The following LYPD6 variants were observed in gnomAD, a reference collection of about 807,000 sequenced individuals.
The protein encoded by LYPD6 is ly6/PLAUR domain-containing protein 6.
A neutral mutation model predicts 22.7 loss-of-function variants in LYPD6; 15 were observed. The observed-to-expected ratio is 0.66, with a 90% CI of 0.44 to 1.02. The LOEUF is 1.02. Ranked by LOEUF, LYPD6 falls within the 50% of genes least tolerant of loss-of-function variation. The pLI is 0.00. For synonymous variants in LYPD6, 72 were observed against 77.5 expected, an observed-to-expected ratio of 0.93 and a Z score of 0.37; for missense variants, 189 against 208.4, an observed-to-expected ratio of 0.91 and a Z score of 0.57.
At position 149,330,650 on chromosome 2, in the gene LYPD6, C is replaced by G. The variant is rs1396440253; in HGVS notation, c.-144C>G. 2 of 150,264 alleles carry G rather than the reference C, an allele frequency of 1.3e-5. No individual in the cohort carries two copies. Among genetic ancestry groups the G allele is most frequent in the East Asian group, 2.0e-4 (1 of 5,080 alleles). 9.3% of individuals were successfully genotyped at this position (150,264 alleles called of 1,614,324 possible). A position where few individuals can be genotyped will look rare whatever the true frequency, so the allele number is the denominator to read the frequency against. On this transcript the variant is annotated 5_prime_UTR_variant, in exon 1 of 5. Coordinates refer to ENST00000334166, the MANE Select transcript of LYPD6 (RefSeq NM_194317.5). ...CTGGCGGGGCGCCGCATTGCACACT[C>G]TGGGGGCGCCGCAGTGTTCGTGGGA... is the stretch of plus-strand genomic sequence containing the variant.
At chr2:149,416,572 C>A (rs963235900) in intron 1 of LYPD6, among the ~76,000 whole-genome samples, 1 of 152,134 alleles carries the variant, frequency 6.6e-6, no homozygotes, top group South Asian at 2.1e-4. Context: ...TCAGTGGGAC[C>A]CTTGCTAAGT....
At chr2:149,448,139 C>T (rs1683728084) in intron 2 of LYPD6, among the ~76,000 whole-genome samples, 1 of 152,034 alleles carries the variant, frequency 6.6e-6, no homozygotes, top group Non-Finnish European at 1.5e-5. Flanking sequence ...ACTAAAAATA[C>T]AAAATTAGCC....
chr2:149,481,552 A>G, the LYPD6 span, among the ~76,000 whole-genome samples: 1 of 152,228 alleles, frequency 6.6e-6, no homozygotes, highest in African/African-American at 2.4e-5. Context: ...AAAACAAAAC[A>G]AAACAAAAAA....
downstream of LYPD6, among the ~76,000 whole-genome samples, chr2:149,475,648 G>T (rs1160601538): frequency 6.6e-6 from 1 of 152,030 alleles, no homozygotes; most frequent in Non-Finnish European, 1.5e-5. Flanking sequence ...AATTGGATTG[G>T]GGGACCTCTA....
intron 1 of LYPD6, among the ~76,000 whole-genome samples, chr2:149,423,959 C>G (rs1683136902): frequency 1.3e-5 from 2 of 148,550 alleles, no homozygotes; most frequent in Admixed American, 1.3e-4. Context: ...TGGGACAGAA[C>G]CCTTTGCTGG....
chr2:149,342,854 C>T (rs1681188034), intron 1 of LYPD6, among the ~76,000 whole-genome samples: 1 of 152,146 alleles, frequency 6.6e-6, no homozygotes, highest in Non-Finnish European at 1.5e-5. Context: ...TTGAACTCCT[C>T]CTGTTGCCAA....
chr2:149,484,959 CACA>C, the LYPD6 span, among the ~76,000 whole-genome samples: 4 of 152,188 alleles, frequency 2.6e-5, no homozygotes, highest in Non-Finnish European at 4.4e-5. Flanking sequence ...TTAGCAATCT[CACA>C]ACATCTACTT....
chr2:149,355,258 C>T (rs938211582), intron 1 of LYPD6, among the ~76,000 whole-genome samples: 3 of 152,138 alleles, frequency 2.0e-5, no homozygotes, highest in African/African-American at 7.2e-5. Context: ...TAGAAGAATA[C>T]ATCTTTTTGG....
chr2:149,470,133 C>T (rs535492056), intron 4 of LYPD6, among the ~76,000 whole-genome samples: 7 of 152,222 alleles, frequency 4.6e-5, no homozygotes, highest in East Asian at 3.9e-4. Context: ...TAATGATCCA[C>T]GAGTAAGGTG....
intron 2 of LYPD6, among the ~76,000 whole-genome samples, chr2:149,444,816 T>C (rs145637152): frequency 0.016 from 2,448 of 152,334 alleles, 28 homozygotes; most frequent in Non-Finnish European, 0.025. Context: ...ATCAAAGTCA[T>C]CTGTGATGGT....
chr2:149,413,005 A>G (rs1372758716), intron 1 of LYPD6, among the ~76,000 whole-genome samples: 14 of 151,974 alleles, frequency 9.2e-5, no homozygotes, highest in African/African-American at 3.1e-4. Flanking sequence ...TGATATTTAT[A>G]TTTTTTTCCG....
chr2:149,396,395 T>G (rs751439468), intron 1 of LYPD6, among the ~76,000 whole-genome samples: 2 of 152,110 alleles, frequency 1.3e-5, no homozygotes, highest in Non-Finnish European at 2.9e-5. Context: ...GCAGCCCTGC[T>G]TCTTCCTAAT....
intron 1 of LYPD6, among the ~76,000 whole-genome samples, chr2:149,388,072 A>G (rs1682226976): frequency 6.6e-6 from 1 of 152,234 alleles, no homozygotes; most frequent in African/African-American, 2.4e-5. Context: ...CCTTATGCCT[A>G]AAGGAAATTT....
chr2:149,435,081 A>T (rs1272197535), intron 1 of LYPD6, among the ~76,000 whole-genome samples: 1 of 152,180 alleles, frequency 6.6e-6, no homozygotes, highest in Non-Finnish European at 1.5e-5. Flanking sequence ...ACCCTAATCC[A>T]ATCTGACTGG....
rs1442779092 is a variant in LYPD6, at chr2:149,471,422, G to A, written c.*572G>A. ...TAATTTTCCCAACATTCTTCTCCCA[G>A]TGCTGGGAATCACATTTCCTCTGTT... On this transcript the variant is annotated 3_prime_UTR_variant, in exon 5 of 5. Coordinates refer to ENST00000334166, the MANE Select transcript of LYPD6 (RefSeq NM_194317.5). 1 of 152,166 alleles carries A rather than the reference G, an allele frequency of 6.6e-6. No individual in the cohort carries two copies. The highest frequency in any genetic ancestry group is 1.5e-5 in the Non-Finnish European group (1 of 68,034). The allele number at this position is 152,166 out of a possible 1,614,324, so 9.4% of individuals were successfully genotyped here. A position where few individuals can be genotyped will look rare whatever the true frequency, so the allele number is the denominator to read the frequency against.
intron 2 of LYPD6, among the ~76,000 whole-genome samples, chr2:149,444,290 T>C (rs993339631): frequency 6.6e-6 from 1 of 152,228 alleles, no homozygotes; most frequent in Non-Finnish European, 1.5e-5. Context: ...TAAGATCATC[T>C]GAGCCTTTAG....
intron 1 of LYPD6, among the ~76,000 whole-genome samples, chr2:149,420,270 A>T (rs2105131741): frequency 6.6e-6 from 1 of 152,288 alleles, no homozygotes; most frequent in East Asian, 1.9e-4. Flanking sequence ...GCTCAAGTTC[A>T]CCCTGCTCTT....
chr2:149,356,345 A>T (rs181917479), intron 1 of LYPD6, among the ~76,000 whole-genome samples: 3 of 152,304 alleles, frequency 2.0e-5, no homozygotes, highest in Admixed American at 2.0e-4. Flanking sequence ...ACATTGTACA[A>T]AGTTGTCATT....
chr2:149,359,072 T>TA (rs1559123588), intron 1 of LYPD6, among the ~76,000 whole-genome samples: 2 of 152,192 alleles, frequency 1.3e-5, no homozygotes, highest in Non-Finnish European at 2.9e-5. Flanking sequence ...GTATCAAATT[T>TA]TAAAAAAACT....
Sources: gnomAD v4.1 joint callset for allele counts (sites outside exome capture counted in the v4.1 genomes callset) on GRCh38, gnomAD v4.1.1 for gene constraint, MANE v1.5 for transcripts, NCBI Gene and HGNC (gene_info 2026-07-23, HGNC 2026-07-21) for gene names.